Variants in ZNF385D observed in about 807,000 individuals in gnomAD.
The protein encoded by ZNF385D is zinc finger protein 385D, also known as zinc finger protein 659.
In ZNF385D, 15 loss-of-function variants were observed where a neutral mutation model predicts 35.8. The observed-to-expected ratio is 0.42, with a 90% CI of 0.28 to 0.64. The LOEUF (loss-of-function observed/expected upper bound fraction) is 0.64. Ranked by LOEUF, ZNF385D falls within the 30% of genes least tolerant of loss-of-function variation. ZNF385D has a pLI of 0.23. For synonymous variants in ZNF385D, 212 were observed against 186.8 expected (o/e 1.13, Z -1.10); for missense variants, 474 against 494.6 (o/e 0.96, Z 0.39).
chr3:22,176,540 G>C (rs1428501321), intron 2 of ZNF385D, among the ~76,000 whole-genome samples: 1 of 151,994 alleles, frequency 6.6e-6, no homozygotes, highest in African/African-American at 2.4e-5. Context: ...TAAATTTGTT[G>C]GTCTCAATAC....
rs75121328 is a variant in ZNF385D at position 22,244,258 on chromosome 3, G to A, written c.107-75223C>T. On this transcript the variant is annotated intron_variant, in intron 2 of 5. Transcript: ENST00000494108. ...TATGTTGTTTTGTTATAACAGCCTT[G>A]GACTTGTGATTTATCTTGAAATTGT... Among the ~76,000 whole-genome samples the A allele has an allele frequency of 6.0e-3, 881 of 147,568 alleles. 41 individuals carry two copies. Among genetic ancestry groups the A allele is most frequent in the African/African-American group, 0.021 (831 of 39,882 alleles).
chr3:21,482,640 T>A (rs973108482), intron 4 of ZNF385D, among the ~76,000 whole-genome samples: 2 of 152,156 alleles, frequency 1.3e-5, no homozygotes, highest in African/African-American at 4.8e-5. Flanking sequence ...AGTAGAATTA[T>A]CTGTGAAATT....
At chr3:21,592,543 C>CAAAAAAAAA (rs3041752) in intron 2 of ZNF385D, among the ~76,000 whole-genome samples, 4 of 124,878 alleles carry the variant, frequency 3.2e-5, no homozygotes, top group Admixed American at 8.5e-5. Flanking sequence ...GTCTTCATGG[C>CAAAAAAAAA]AAAAAAAAAA....
At chr3:21,442,518 A>G (rs1701912944) in intron 4 of ZNF385D, among the ~76,000 whole-genome samples, 1 of 152,040 alleles carries the variant, frequency 6.6e-6, no homozygotes, top group African/African-American at 2.4e-5. Flanking sequence ...AAAACAAACC[A>G]CCAGTCTTTA....
At chr3:21,808,391 C>A (rs752207146) in intron 3 of ZNF385D, among the ~76,000 whole-genome samples, 3 of 152,182 alleles carry the variant, frequency 2.0e-5, no homozygotes, top group African/African-American at 4.8e-5. Context: ...AGATTCTTTG[C>A]TCTGTGCTGT....
At chr3:22,014,717 TAAG>T (rs1274162927) in intron 3 of ZNF385D, among the ~76,000 whole-genome samples, 1 of 151,926 alleles carries the variant, frequency 6.6e-6, no homozygotes, top group Admixed American at 6.6e-5. Context: ...ATACAAGAAA[TAAG>T]AAAGTGCAAA....
chr3:22,147,955 T>C lies in ZNF385D; in HGVS notation c.325+20862A>G, dbSNP rs557674224. Among the ~76,000 whole-genome samples the C allele has an allele frequency of 2.8e-3, 421 of 152,312 alleles. 1 individual carries two copies. Among genetic ancestry groups the C allele is most frequent in the Non-Finnish European group, 4.5e-3 (305 of 68,020 alleles). ...AAAAGTCGATCTAAAGTATGAGGAT[T>C]TAGCAAAGATGTTTCTGAGGCTGAC... On this transcript the variant is annotated intron_variant, in intron 3 of 5. Coordinates refer to the ZNF385D transcript ENST00000494108.
intron 2 of ZNF385D, among the ~76,000 whole-genome samples, chr3:22,280,127 C>A (rs1575024538): frequency 6.6e-6 from 1 of 151,442 alleles, no homozygotes; most frequent in Non-Finnish European, 1.5e-5. Context: ...TTTGATGGGG[C>A]TGTTTATTTC....
At chr3:21,446,885 G>C (rs1702186261) in intron 4 of ZNF385D, among the ~76,000 whole-genome samples, 1 of 152,160 alleles carries the variant, frequency 6.6e-6, no homozygotes. Context: ...AAAAATACTA[G>C]TGGGAACCTA....
chr3:21,893,799 G>A (rs969202540), intron 3 of ZNF385D, among the ~76,000 whole-genome samples: 3 of 152,148 alleles, frequency 2.0e-5, no homozygotes, highest in Non-Finnish European at 4.4e-5. Flanking sequence ...CAAAGCCATG[G>A]TTGTAAATTC....
In ZNF385D at chr3:21,940,800, A is replaced by T. The variant is rs751805763; in HGVS notation, c.325+228017T>A. Among the ~76,000 whole-genome samples the T allele has an allele frequency of 1.6e-4, 25 of 152,342 alleles. No homozygotes were observed. The Middle Eastern group carries it at 0.014, about 83-fold the overall frequency. Reference sequence around the variant, plus strand: ...TATATTTATTTTTAAGGAAGAAAATATATGTAAAAATATGCTGCATAAAAT... The same window carrying T: ...TATATTTATTTTTAAGGAAGAAAATTTATGTAAAAATATGCTGCATAAAAT... On this transcript the variant is annotated intron_variant, in intron 3 of 5. Transcript: ENST00000494108.
chr3:21,661,034 C>T (rs1173221856), intron 2 of ZNF385D, among the ~76,000 whole-genome samples: 1 of 152,136 alleles, frequency 6.6e-6, no homozygotes, highest in East Asian at 1.9e-4. Context: ...AAATATTTCA[C>T]AGAATGTGGA....
At chr3:22,257,519 A>C (rs747955051) in intron 2 of ZNF385D, among the ~76,000 whole-genome samples, 16 of 151,750 alleles carry the variant, frequency 1.1e-4, no homozygotes, top group Non-Finnish European at 2.2e-4. Context: ...TACTCTCATA[A>C]TAAATATAGG....
At chr3:22,321,125 A>G (rs1370169582) in intron 2 of ZNF385D, among the ~76,000 whole-genome samples, 1 of 149,284 alleles carries the variant, frequency 6.7e-6, no homozygotes, top group Non-Finnish European at 1.5e-5. Context: ...TTTTAATTCT[A>G]AATTTCACCT....
chr3:22,205,606 G>T (rs955036365), intron 2 of ZNF385D, among the ~76,000 whole-genome samples: 8 of 151,952 alleles, frequency 5.3e-5, no homozygotes, highest in East Asian at 1.9e-4. Flanking sequence ...GCAGGGGAAT[G>T]AAGCTAAAAT....
At chr3:22,124,296 A>G (rs6795975) in intron 3 of ZNF385D, among the ~76,000 whole-genome samples, 24,642 of 152,090 alleles carry the variant, frequency 0.16, 2,593 homozygotes, top group Middle Eastern at 0.25. Context: ...TTCATTGTGT[A>G]TAAGTACCGC....
At chr3:21,783,582 T>C (rs1442817317) in intron 3 of ZNF385D, among the ~76,000 whole-genome samples, 2 of 152,108 alleles carry the variant, frequency 1.3e-5, no homozygotes, top group East Asian at 1.9e-4. Flanking sequence ...TTTAATGTAA[T>C]AGCACTGAGC....
At chr3:21,581,561 CAT>C (rs1174346931) in intron 2 of ZNF385D, among the ~76,000 whole-genome samples, 3 of 152,090 alleles carry the variant, frequency 2.0e-5, no homozygotes, top group Admixed American at 6.6e-5. Flanking sequence ...AATTATTAGA[CAT>C]GTGAAAACAG....
At chr3:22,105,088 G>C (rs1342594918) in intron 3 of ZNF385D, among the ~76,000 whole-genome samples, 2 of 152,022 alleles carry the variant, frequency 1.3e-5, no homozygotes, top group East Asian at 1.9e-4. Flanking sequence ...AGGAGATTTA[G>C]GGGCCAAGAT....
Sources: allele counts gnomAD v4.1 joint callset (sites outside exome capture counted in the v4.1 genomes callset), GRCh38; gene constraint gnomAD v4.1.1; transcripts MANE v1.5; gene names NCBI Gene and HGNC (gene_info 2026-07-23, HGNC 2026-07-21).